Variants in VWA5B1 observed in about 807,000 individuals in gnomAD.
VWA5B1 encodes the protein von Willebrand factor A domain containing 5B1.
Under a neutral mutation model 118.2 loss-of-function variants are expected in VWA5B1, and 115 were observed. The ratio of observed to expected loss-of-function variants is 0.97; its 90% CI spans 0.84 to 1.14. The LOEUF is 1.14. Among genes scored for constraint, VWA5B1 ranks in the 50% most tolerant of loss-of-function variants. The probability of loss-of-function intolerance (pLI) is 0.00; values close to 1 mark genes in which losing one functional copy is unlikely to be tolerated. For synonymous variants in VWA5B1, 682 were observed against 658.4 expected (o/e 1.04, Z -0.55); for missense variants, 1,596 against 1,603.8 (o/e 1.00, Z 0.08).
At chr1:20,349,635 G>GCA (rs2090082920) in intron 18 of VWA5B1, among the ~76,000 whole-genome samples, 1 of 151,416 alleles carries the variant, frequency 6.6e-6, no homozygotes, top group Non-Finnish European at 1.5e-5. Flanking sequence ...CATCACCTTG[G>GCA]CCTCCCAAAA....
At position 20,356,802 on chromosome 1, in the gene VWA5B1, T is replaced by C. The variant is rs114281432; in HGVS notation, c.*2539T>C. On this transcript the variant is annotated 3_prime_UTR_variant, in exon 22 of 22. Coordinates refer to ENST00000289815, the MANE Select transcript of VWA5B1 (RefSeq NM_001039500.3). ...CATTGGTTGCAAATAACCCAAGAGC[T>C]ATGGGGGCAGGTCTGGACAAGAGAC... is the stretch of plus-strand genomic sequence containing the variant. 7.4e-3 allele frequency among the ~76,000 whole-genome samples: 1,125 copies of C among 152,182 alleles called. 7 individuals are homozygous for C. The highest frequency in any genetic ancestry group is 0.025 in the African/African-American group (1,031 of 41,504).
chr1:20,329,936 AG>A (rs968809322), intron 9 of VWA5B1, among the ~76,000 whole-genome samples: 2 of 152,174 alleles, frequency 1.3e-5, no homozygotes, highest in African/African-American at 2.4e-5. Context: ...CTATTTTTAA[AG>A]GAGAACCCGG....
At chr1:20,302,255 C>T (rs936374620) in intron 1 of VWA5B1, among the ~76,000 whole-genome samples, 1 of 152,076 alleles carries the variant, frequency 6.6e-6, no homozygotes, top group Non-Finnish European at 1.5e-5. Context: ...CCTGCCCCCA[C>T]CAAAGGAGAC....
In VWA5B1 at chr1:20,354,795, G is replaced by C. The variant is rs1429414862; in HGVS notation, c.*532G>C. ...CTGTAGGACAGGCTCTTGTCTCCAT[G>C]GTAACAGCCAAGGACCCCCCCTAAA... On this transcript the variant is annotated 3_prime_UTR_variant, in exon 22 of 22. Transcript: ENST00000289815. 6.7e-6 allele frequency: 1 copy of C among 149,730 alleles called. No homozygotes were observed. The highest frequency in any genetic ancestry group is 2.1e-4 in the East Asian group (1 of 4,874). The allele number at this position is 149,730 out of a possible 1,614,324, so 9.3% of individuals were successfully genotyped here.
At chr1:20,342,353 G>A in intron 14 of VWA5B1, 79 bp from the exon 15 acceptor site, 2 of 1,454,132 alleles carry the variant, frequency 1.4e-6, no homozygotes, top group South Asian at 2.6e-5. Context: ...CCAGCCACCA[G>A]GAGCTCTTCC....
intron 4 of VWA5B1, among the ~76,000 whole-genome samples, chr1:20,315,346 G>A (rs1437873684): frequency 1.3e-5 from 2 of 152,234 alleles, no homozygotes; most frequent in African/African-American, 4.8e-5. Flanking sequence ...TCTCCCAAAA[G>A]CAACAAGGAA....
chr1:20,329,902 G>T (rs536648838), intron 9 of VWA5B1, among the ~76,000 whole-genome samples: 13 of 152,212 alleles, frequency 8.5e-5, no homozygotes, highest in Admixed American at 2.6e-4. Context: ...GGAATCAGGG[G>T]TTTAATGTGT....
At chr1:20,327,858 T>C (rs1375728191) in intron 8 of VWA5B1, 32 bp from the exon 9 acceptor site, 6 of 1,535,086 alleles carry the variant, frequency 3.9e-6, no homozygotes, top group South Asian at 1.2e-5. Flanking sequence ...AACTCCTTCC[T>C]GAATCCTGAA....
At chr1:20,319,277 AT>A (rs1341253866) in intron 6 of VWA5B1, 104 bp from the exon 7 acceptor site, 1 of 1,471,098 alleles carries the variant, frequency 6.8e-7, no homozygotes, top group Non-Finnish European at 9.1e-7. Context: ...CCGCTTCCAA[AT>A]GGGAGTCCCA....
intron 5 of VWA5B1, among the ~76,000 whole-genome samples, chr1:20,318,029 C>T (rs1348801006): frequency 6.7e-6 from 1 of 148,856 alleles, no homozygotes; most frequent in Non-Finnish European, 1.5e-5. Flanking sequence ...AAACATCCTG[C>T]ATCCTAGATC....
Position 20,337,653 on chromosome 1 carries a change from C to T in VWA5B1, c.1950C>T (p.Asn650=), listed in dbSNP as rs1221934995. The T allele has an allele frequency of 1.3e-6, 2 of 1,551,132 alleles. No homozygotes were observed. The highest frequency in any genetic ancestry group is 2.7e-5 in the African/African-American group (2 of 73,016). The part of the protein sequence containing the change: ...SGDSTTKHDL[N]LSQRRRAYST... ...ATCACTATCCCTGTCCAGATCTGAA[C>T]CTCTCTCAGCGACGGAGGGCATACA... The change falls in exon 14 of 22, where the codon AAC becomes AAT. Residue 650 remains asparagine (N), a synonymous_variant. Coordinates refer to ENST00000289815, the MANE Select transcript of VWA5B1 (RefSeq NM_001039500.3).
intron 11 of VWA5B1, among the ~76,000 whole-genome samples, chr1:20,332,295 T>C (rs1427390334): frequency 6.6e-6 from 1 of 151,890 alleles, no homozygotes; most frequent in East Asian, 1.9e-4. Flanking sequence ...GCCTGGCCAA[T>C]TTGGTGAAAC....
chr1:20,340,933 T>G, intron 14 of VWA5B1, among the ~76,000 whole-genome samples: 1 of 152,260 alleles, frequency 6.6e-6, no homozygotes, highest in East Asian at 1.9e-4. Flanking sequence ...TAATTCACTT[T>G]TTAAATAAAT....
chr1:20,309,245 C>T (rs2088766238), intron 1 of VWA5B1, among the ~76,000 whole-genome samples: 2 of 152,174 alleles, frequency 1.3e-5, no homozygotes, highest in African/African-American at 4.8e-5. Context: ...ACGTGTGTAG[C>T]GCCTATGCTC....
At chr1:20,349,788 A>C (rs1216879206) in intron 18 of VWA5B1, among the ~76,000 whole-genome samples, 2 of 143,730 alleles carry the variant, frequency 1.4e-5, no homozygotes, top group Non-Finnish European at 3.0e-5. Flanking sequence ...TTTACTAAGC[A>C]CTTAGCAATG....
At chr1:20,346,706 A>G (rs915515049) in intron 17 of VWA5B1, among the ~76,000 whole-genome samples, 13 of 152,078 alleles carry the variant, frequency 8.5e-5, no homozygotes, top group African/African-American at 2.9e-4. Context: ...CTCTTTTGTC[A>G]TTTTTTAATT....
chr1:20,305,193 G>A (rs1242152635), intron 1 of VWA5B1, among the ~76,000 whole-genome samples: 1 of 152,130 alleles, frequency 6.6e-6, no homozygotes, highest in Non-Finnish European at 1.5e-5. Context: ...AGTGTTGGGA[G>A]GTTGCAATTT....
intron 1 of VWA5B1, among the ~76,000 whole-genome samples, chr1:20,299,986 C>G (rs1466656278): frequency 6.6e-6 from 1 of 152,216 alleles, no homozygotes. Context: ...CTAACTCAGC[C>G]TGGGCACCTG....
chr1:20,314,719 C>T, intron 4 of VWA5B1, 127 bp downstream of exon 4: 2 of 1,444,736 alleles, frequency 1.4e-6, no homozygotes, highest in Non-Finnish European at 1.8e-6. Context: ...TCTACGATTG[C>T]CACCCTCTGA....
Sources: gnomAD v4.1 joint callset for allele counts (sites outside exome capture counted in the v4.1 genomes callset) on GRCh38, gnomAD v4.1.1 for gene constraint, MANE v1.5 for transcripts, NCBI Gene and HGNC (gene_info 2026-07-23, HGNC 2026-07-21) for gene names.